Variants in SLC8A1 observed in about 807,000 individuals in gnomAD.
SLC8A1 encodes the protein sodium/calcium exchanger 1.
In SLC8A1, 18 loss-of-function variants were observed where a neutral mutation model predicts 68.3. That is an observed-to-expected ratio of 0.26 (90% CI 0.18 to 0.39). The LOEUF (loss-of-function observed/expected upper bound fraction) is 0.39. Among genes scored for constraint, SLC8A1 ranks in the 10% least tolerant of loss-of-function variants. The pLI, the probability that SLC8A1 is intolerant of heterozygous loss-of-function variation, is 1.00. For synonymous variants in SLC8A1, 475 were observed against 415.5 expected, an observed-to-expected ratio of 1.14 and a Z score of -1.74; for missense variants, 985 against 1,156.7, an observed-to-expected ratio of 0.85 and a Z score of 2.15.
intron 2 of SLC8A1, among the ~76,000 whole-genome samples, chr2:40,320,721 G>C (rs6751854): frequency 0.021 from 3,271 of 152,194 alleles, 97 homozygotes; most frequent in African/African-American, 0.075. Context: ...ATATTTAAAA[G>C]GGAGGTTTTC....
At chr2:40,316,527 T>C (rs2074470124) in intron 2 of SLC8A1, among the ~76,000 whole-genome samples, 1 of 151,970 alleles carries the variant, frequency 6.6e-6, no homozygotes. Context: ...GGAACATGTG[T>C]TCTTTGTTTA....
intron 2 of SLC8A1, among the ~76,000 whole-genome samples, chr2:40,188,430 A>G (rs2051111375): frequency 6.6e-6 from 1 of 152,216 alleles, no homozygotes; most frequent in African/African-American, 2.4e-5. Context: ...GCCTATTACG[A>G]GAATTTAGAA....
chr2:40,391,731 T>C (rs1685328178), intron 2 of SLC8A1, among the ~76,000 whole-genome samples: 1 of 151,784 alleles, frequency 6.6e-6, no homozygotes, highest in Non-Finnish European at 1.5e-5. Flanking sequence ...TGAGGGAAAA[T>C]TTAGGGGGCA....
chr2:40,261,187 T>C (rs1180291462), intron 2 of SLC8A1, among the ~76,000 whole-genome samples: 1 of 152,172 alleles, frequency 6.6e-6, no homozygotes, highest in African/African-American at 2.4e-5. Context: ...TGGGGCGTGC[T>C]TGCTGGATGT....
intron 2 of SLC8A1, among the ~76,000 whole-genome samples, chr2:40,255,640 T>A (rs1321274628): frequency 6.6e-6 from 1 of 152,190 alleles, no homozygotes; most frequent in African/African-American, 2.4e-5. Flanking sequence ...AGCTTTAGCA[T>A]CTCATAATTT....
chr2:40,411,691 C>G (rs1189293056), intron 2 of SLC8A1, among the ~76,000 whole-genome samples: 2 of 151,876 alleles, frequency 1.3e-5, no homozygotes, highest in African/African-American at 4.8e-5. Context: ...GATATTAAGA[C>G]TTTAAAGAAT....
At chr2:40,376,493 C>G (rs1439348604) in intron 2 of SLC8A1, among the ~76,000 whole-genome samples, 1 of 152,094 alleles carries the variant, frequency 6.6e-6, no homozygotes, top group African/African-American at 2.4e-5. Flanking sequence ...GGAGGTCTCA[C>G]TCTCTGTTGT....
intron 2 of SLC8A1, among the ~76,000 whole-genome samples, chr2:40,278,145 A>C (rs1253870532): frequency 6.6e-6 from 1 of 151,904 alleles, no homozygotes; most frequent in Non-Finnish European, 1.5e-5. Flanking sequence ...GTAGACATTA[A>C]CTCTATAATT....
intron 2 of SLC8A1, among the ~76,000 whole-genome samples, chr2:40,289,638 G>T (rs1266679258): frequency 6.6e-6 from 1 of 152,008 alleles, no homozygotes; most frequent in African/African-American, 2.4e-5. Context: ...ATCACTTGAG[G>T]TCAGGAGTTG....
upstream of SLC8A1, among the ~76,000 whole-genome samples, chr2:40,454,878 A>G (rs1702911279): frequency 6.6e-6 from 1 of 152,252 alleles, no homozygotes. Flanking sequence ...GCTCTAAGAA[A>G]GGAAAAAGTG....
In SLC8A1 at chr2:40,199,835, GGAAA is replaced by G. The variant is rs549850869; in HGVS notation, c.1809-21984_1809-21981del. On this transcript the variant is annotated intron_variant, in intron 2 of 7. Transcript: ENST00000406785. ...AGTTTTAGTTTTAACAGGGGAACCA[GGAAA>G]GAAAGAAAGATTGCTCATCAGTGGC... 5.7e-3 allele frequency among the ~76,000 whole-genome samples: 869 copies of G among 151,494 alleles called. 6 individuals are homozygous for G. The highest frequency in any genetic ancestry group is 9.7e-3 in the Non-Finnish European group (657 of 67,776).
At chr2:40,139,595 A>G (rs1480791933) in exon 7 of SLC8A1, 8 of 1,614,060 alleles carry the variant, frequency 5.0e-6, no homozygotes, top group Admixed American at 1.7e-5. Flanking sequence ...GACCTTCCAG[A>G]ACACAGTCAG....
intron 3 of SLC8A1, 112 bp from the exon 4 acceptor site, chr2:40,175,393 G>A (rs777022322): frequency 3.0e-6 from 3 of 1,012,486 alleles, no homozygotes; most frequent in South Asian, 2.8e-5. Context: ...CAGTGGTAGG[G>A]AGCCACTGCT....
chr2:40,182,854 T>C (rs1008790104), intron 2 of SLC8A1, among the ~76,000 whole-genome samples: 3 of 152,200 alleles, frequency 2.0e-5, no homozygotes, highest in East Asian at 1.9e-4. Flanking sequence ...TGTCCTTCTA[T>C]GGTTTCTTTT....
chr2:40,254,610 A>G (rs2063580815), intron 2 of SLC8A1: 2 of 152,240 alleles, frequency 1.3e-5, no homozygotes. Context: ...ATTATTTCTA[A>G]TTTTCCTTCA....
rs1173191873 is a variant in SLC8A1 at position 40,229,700 on chromosome 2, AC to A, written c.1809-51846del. On this transcript the variant is annotated intron_variant, in intron 2 of 7. Transcript: ENST00000406785. ...ATTATGATCCTCCAAACATAACCTA[AC>A]AACTATACTTTTCTAGAGTGCTTCT... is the stretch of plus-strand genomic sequence containing the variant. 5.3e-5 allele frequency among the ~76,000 whole-genome samples: 8 copies of A among 152,246 alleles called. No individual in the cohort carries two copies. In the East Asian group the frequency reaches 1.5e-3, roughly 29 times the overall value.
intron 2 of SLC8A1, among the ~76,000 whole-genome samples, chr2:40,328,784 A>T (rs2076109868): frequency 6.6e-6 from 1 of 151,920 alleles, no homozygotes; most frequent in South Asian, 2.1e-4. Flanking sequence ...ATTTCCTCCT[A>T]TTGTAGGTGA....
chr2:40,241,947 A>C (rs1433027384), intron 2 of SLC8A1, among the ~76,000 whole-genome samples: 1 of 152,338 alleles, frequency 6.6e-6, no homozygotes, highest in East Asian at 1.9e-4. Context: ...AGAAAATATT[A>C]ATTATTCATA....
chr2:40,267,786 A>G (rs2065535606), intron 2 of SLC8A1, among the ~76,000 whole-genome samples: 1 of 152,236 alleles, frequency 6.6e-6, no homozygotes, highest in Admixed American at 6.5e-5. Flanking sequence ...TTATAGGAGA[A>G]TAAAGAGCTT....
Sources: gnomAD v4.1 joint callset for allele counts (sites outside exome capture counted in the v4.1 genomes callset) on GRCh38, gnomAD v4.1.1 for gene constraint, MANE v1.5 for transcripts, NCBI Gene and HGNC (gene_info 2026-07-23, HGNC 2026-07-21) for gene names.